The following LHFPL6 variants were observed in gnomAD, a reference collection of about 807,000 sequenced individuals.
LHFPL6 encodes the protein LHFPL tetraspan subfamily member 6 protein.
Under a neutral mutation model 20.6 loss-of-function variants are expected in LHFPL6, and 9 were observed. The ratio of observed to expected loss-of-function variants is 0.44; its 90% CI spans 0.26 to 0.76. LHFPL6 has a LOEUF of 0.76. Ranked by LOEUF, LHFPL6 falls within the 30% of genes least tolerant of loss-of-function variation. The pLI is 0.20. For missense variants in LHFPL6, 218 were observed against 253.5 expected (o/e 0.86, Z 0.95); for synonymous variants, 105 against 98.7 (o/e 1.06, Z -0.38).
Position 39,447,306 on chromosome 13 carries a change from C to T in LHFPL6, c.386-68780G>A, listed in dbSNP as rs113932510. Among the ~76,000 whole-genome samples, 338 of 152,266 alleles carry T rather than the reference C, an allele frequency of 2.2e-3. 1 individual carries two copies. The highest frequency in any genetic ancestry group is 7.4e-3 in the African/African-American group (307 of 41,560). On this transcript the variant is annotated intron_variant, in intron 2 of 3. Coordinates refer to ENST00000379589, the MANE Select transcript of LHFPL6 (RefSeq NM_005780.3). The stretch of plus-strand genomic sequence containing the variant: ...TAGATGAAATTATAAGGGAAATTTT[C>T]ATAATCTTTTTTTAAGCTTTCTCTT...
intron 2 of LHFPL6, among the ~76,000 whole-genome samples, chr13:39,552,012 T>C (rs1226442955): frequency 6.6e-6 from 1 of 152,246 alleles, no homozygotes; most frequent in East Asian, 1.9e-4. Flanking sequence ...GAATTAGCTA[T>C]ATACTGCTGG....
intron 3 of LHFPL6, among the ~76,000 whole-genome samples, chr13:39,376,134 ACTT>A: frequency 6.6e-6 from 1 of 152,338 alleles, no homozygotes; most frequent in Middle Eastern, 3.4e-3. Context: ...CAGGACCTGA[ACTT>A]CATTATAATC....
intron 2 of LHFPL6, among the ~76,000 whole-genome samples, chr13:39,447,562 T>A (rs1428100713): frequency 1.3e-5 from 2 of 152,166 alleles, no homozygotes; most frequent in Non-Finnish European, 2.9e-5. Context: ...ATTGATAAGA[T>A]CTGCAAGCCC....
At chr13:39,450,403 ATTTTG>A (rs1232400882) in intron 2 of LHFPL6, among the ~76,000 whole-genome samples, 1 of 152,190 alleles carries the variant, frequency 6.6e-6, no homozygotes, top group African/African-American at 2.4e-5. Flanking sequence ...GAAAGTTCCT[ATTTTG>A]TTTGGTTTAG....
At chr13:39,562,625 CACACATATATATACACATATAT>C (rs1871567216) in intron 2 of LHFPL6, among the ~76,000 whole-genome samples, 1 of 92,866 alleles carries the variant, frequency 1.1e-5, no homozygotes, top group East Asian at 2.5e-4. Context: ...CACATATATA[CACACATATATATACACATATAT>C]ACACACATAT....
rs756869917 is a variant in LHFPL6 at position 39,343,918 on chromosome 13, G to T, written c.*18C>A. 16 of 1,601,552 alleles carry T rather than the reference G, an allele frequency of 1.0e-5. No homozygotes were observed. Among genetic ancestry groups the T allele is most frequent in the Non-Finnish European group, 1.3e-5 (15 of 1,169,430 alleles). On this transcript the variant is annotated 3_prime_UTR_variant, in exon 4 of 4. Coordinates refer to ENST00000379589, the MANE Select transcript of LHFPL6 (RefSeq NM_005780.3). ...CTTTGGCCCATCTTCTCCTCTGTCT[G>T]CTCTTGGTAGCTCCATCTCAGTATG...
At chr13:39,577,263 G>A (rs1223613756) in intron 2 of LHFPL6, among the ~76,000 whole-genome samples, 6 of 152,150 alleles carry the variant, frequency 3.9e-5, no homozygotes, top group Non-Finnish European at 2.9e-5. Flanking sequence ...GTCTTCCAGA[G>A]CACCCCCGCC....
chr13:39,367,277 G>A (rs976294551), intron 3 of LHFPL6, among the ~76,000 whole-genome samples: 9 of 152,076 alleles, frequency 5.9e-5, no homozygotes, highest in African/African-American at 2.2e-4. Context: ...TCCCTACCTG[G>A]ATGATGGTAT....
chr13:39,467,936 T>C (rs1365938469), intron 2 of LHFPL6, among the ~76,000 whole-genome samples: 2 of 152,188 alleles, frequency 1.3e-5, no homozygotes, highest in African/African-American at 2.4e-5. Context: ...CCTGTGCACA[T>C]TGAATAAGTT....
intron 2 of LHFPL6, among the ~76,000 whole-genome samples, chr13:39,575,037 C>T (rs1872069916): frequency 6.6e-6 from 1 of 151,972 alleles, no homozygotes; most frequent in East Asian, 1.9e-4. Flanking sequence ...CGCTACTGCA[C>T]TTTGGCCTCG....
intron 2 of LHFPL6, among the ~76,000 whole-genome samples, chr13:39,520,948 G>C (rs1354682269): frequency 6.6e-6 from 1 of 152,166 alleles, no homozygotes; most frequent in Non-Finnish European, 1.5e-5. Context: ...GGACTGGGAA[G>C]GGACTACTGA....
intron 2 of LHFPL6, among the ~76,000 whole-genome samples, chr13:39,402,294 G>A (rs985569656): frequency 1.3e-5 from 2 of 152,110 alleles, no homozygotes; most frequent in East Asian, 1.9e-4. Context: ...GCACAATCAT[G>A]GCTCACTGTA....
At chr13:39,464,037 T>C (rs1872744229) in intron 2 of LHFPL6, among the ~76,000 whole-genome samples, 1 of 152,200 alleles carries the variant, frequency 6.6e-6, no homozygotes, top group Admixed American at 6.5e-5. Flanking sequence ...TCATACATTC[T>C]ACATAAGTAA....
chr13:39,519,488 C>A (rs993061486), intron 2 of LHFPL6, among the ~76,000 whole-genome samples: 1 of 152,146 alleles, frequency 6.6e-6, no homozygotes. Context: ...TAGTTTGTCT[C>A]CCTCTTCATC....
intron 1 of LHFPL6, among the ~76,000 whole-genome samples, chr13:39,602,483 G>C (rs569384513): frequency 5.3e-5 from 8 of 152,174 alleles, no homozygotes; most frequent in African/African-American, 1.9e-4. Context: ...GGGCCACGAG[G>C]CTGGGGAAGA....
intron 2 of LHFPL6, among the ~76,000 whole-genome samples, chr13:39,397,408 T>G (rs1239452924): frequency 6.6e-6 from 1 of 152,186 alleles, no homozygotes; most frequent in Non-Finnish European, 1.5e-5. Context: ...GAAGCATAAC[T>G]TACACGTCAG....
intron 3 of LHFPL6, among the ~76,000 whole-genome samples, chr13:39,360,905 G>A (rs1869855508): frequency 1.0e-5 from 1 of 97,606 alleles, no homozygotes; most frequent in African/African-American, 3.0e-5. Flanking sequence ...CCCCTCAAAT[G>A]TTTTAGCTCC....
intron 2 of LHFPL6, among the ~76,000 whole-genome samples, chr13:39,449,273 G>T (rs1015494345): frequency 1.3e-5 from 2 of 152,098 alleles, no homozygotes; most frequent in African/African-American, 4.8e-5. Context: ...TACTTAAATG[G>T]CAAACCAAAG....
chr13:39,348,623 A>T (rs536780121), intron 3 of LHFPL6, among the ~76,000 whole-genome samples: 2 of 152,226 alleles, frequency 1.3e-5, no homozygotes, highest in Admixed American at 1.3e-4. Context: ...TCATCTCAGG[A>T]TGCACTCTGG....
Sources: allele counts gnomAD v4.1 joint callset (sites outside exome capture counted in the v4.1 genomes callset), GRCh38; gene constraint gnomAD v4.1.1; transcripts MANE v1.5; gene names NCBI Gene and HGNC (gene_info 2026-07-23, HGNC 2026-07-21).